The following MEI1 variants were observed in gnomAD, a reference collection of about 807,000 sequenced individuals.
MEI1 encodes the protein meiotic double-stranded break formation protein 1.
A neutral mutation model predicts 146.2 loss-of-function variants in MEI1; 103 were observed. That is an observed-to-expected ratio of 0.70 (90% CI 0.60 to 0.83). The LOEUF (loss-of-function observed/expected upper bound fraction) is 0.83, where lower values mean the gene tolerates loss of function less well. Among genes scored for constraint, MEI1 ranks in the 40% least tolerant of loss-of-function variants. The pLI is 0.00. For missense variants in MEI1, 1,529 were observed against 1,533.0 expected, an observed-to-expected ratio of 1.00 and a Z score of 0.04; for synonymous variants, 652 against 628.2, an observed-to-expected ratio of 1.04 and a Z score of -0.57.
chr22:41,753,926 T>C, intron 16 of MEI1, 23 bp from the exon 17 acceptor site: 2 of 1,515,120 alleles, frequency 1.3e-6, no homozygotes, highest in Non-Finnish European at 1.8e-6. Context: ...ATCTCTTCTA[T>C]TCTTTCTTCT....
intron 11 of MEI1, among the ~76,000 whole-genome samples, chr22:41,735,389 T>C (rs937486680): frequency 4.0e-5 from 6 of 151,816 alleles, no homozygotes; most frequent in Admixed American, 1.3e-4. Flanking sequence ...CATGCACCAC[T>C]ACACCCGGCT....
At chr22:41,764,127 A>AT (rs1439523521) in intron 19 of MEI1, among the ~76,000 whole-genome samples, 2 of 151,808 alleles carry the variant, frequency 1.3e-5, no homozygotes, top group Non-Finnish European at 2.9e-5. Flanking sequence ...CACCCGGCTA[A>AT]TTTTTTGTAT....
At chr22:41,753,135 C>T (rs984818021) in intron 16 of MEI1, among the ~76,000 whole-genome samples, 4 of 152,042 alleles carry the variant, frequency 2.6e-5, no homozygotes, top group Non-Finnish European at 5.9e-5. Flanking sequence ...TCTCCTGCCT[C>T]AGCACCTGAA....
intron 3 of MEI1, among the ~76,000 whole-genome samples, chr22:41,709,037 G>T (rs1442846327): frequency 6.6e-6 from 1 of 152,186 alleles, no homozygotes; most frequent in Non-Finnish European, 1.5e-5. Context: ...CCCCACATCA[G>T]TCCAGCTGTG....
chr22:41,744,974 G>A lies in MEI1; in HGVS notation c.1448G>A (p.Gly483Asp), dbSNP rs867931777. 2 of 1,545,460 alleles carry A rather than the reference G, an allele frequency of 1.3e-6. No homozygotes were observed. The highest frequency in any genetic ancestry group is 1.7e-6 in the Non-Finnish European group (2 of 1,143,590). ...SQTLLSRRPL[G>D]HASSRDSEKA... ...TCCTGTCTCTCCTTCCCACCTCAGGGCCATGCCTCCAGTAGAGATTCAGAG... is the reference window on the plus strand; with the variant it reads ...TCCTGTCTCTCCTTCCCACCTCAGGACCATGCCTCCAGTAGAGATTCAGAG... Residue 483 changes from glycine to aspartate, a missense_variant and splice_region_variant, in exon 13 of 31, where the codon GGC (glycine) becomes GAC (aspartate). Physicochemically the swap from Gly to Asp is moderately conservative, Grantham distance 94. Transcript: ENST00000401548.
intron 9 of MEI1, among the ~76,000 whole-genome samples, chr22:41,731,869 G>T (rs1160298179): frequency 6.6e-6 from 1 of 152,168 alleles, no homozygotes; most frequent in Non-Finnish European, 1.5e-5. Context: ...AGCTGTGGGG[G>T]CTCAGGGGAG....
At chr22:41,716,958 GGATTACA>G (rs2070261670) in intron 5 of MEI1, among the ~76,000 whole-genome samples, 1 of 151,722 alleles carries the variant, frequency 6.6e-6, no homozygotes, top group Admixed American at 6.6e-5. Flanking sequence ...CAAAGTGCTG[GGATTACA>G]GGTGTGAGCC....
At chr22:41,773,825 A>G (rs1284823341) in intron 20 of MEI1, among the ~76,000 whole-genome samples, 2 of 152,214 alleles carry the variant, frequency 1.3e-5, no homozygotes, top group African/African-American at 2.4e-5. Context: ...CAGTGAGCCA[A>G]GATCGAGCCA....
chr22:41,738,617 C>T (rs2072589011), intron 11 of MEI1, among the ~76,000 whole-genome samples: 1 of 149,668 alleles, frequency 6.7e-6, no homozygotes, highest in Non-Finnish European at 1.5e-5. Context: ...CACCAAAATA[C>T]AAAAATTAGC....
At chr22:41,772,228 ATTTT>A (rs1173444652) in intron 20 of MEI1, among the ~76,000 whole-genome samples, 1 of 152,070 alleles carries the variant, frequency 6.6e-6, no homozygotes, top group Admixed American at 6.6e-5. Flanking sequence ...TATCTTATTT[ATTTT>A]TATTTTTTTT....
intron 22 of MEI1, among the ~76,000 whole-genome samples, chr22:41,781,049 A>C (rs111335569): frequency 6.6e-6 from 1 of 152,190 alleles, no homozygotes; most frequent in African/African-American, 2.4e-5. Flanking sequence ...GAAATCCTAA[A>C]GTCTTTCTGT....
At chr22:41,740,568 G>A (rs760829985) in intron 11 of MEI1, among the ~76,000 whole-genome samples, 3 of 151,904 alleles carry the variant, frequency 2.0e-5, no homozygotes, top group African/African-American at 7.3e-5. Flanking sequence ...CTGAGGAAAC[G>A]CTATCTCTAC....
In MEI1 at chr22:41,699,627, G is replaced by T; in HGVS notation, c.89G>T (p.Arg30Leu). The T allele has an allele frequency of 6.2e-7, 1 of 1,609,736 alleles. No homozygotes were observed. The highest frequency in any genetic ancestry group is 8.5e-7 in the Non-Finnish European group (1 of 1,178,360). The part of the protein sequence containing the change: ...AALLFERAHY[R>L]HDPRWLLPVT... ...CTTCTATTCGAGAGGGCCCATTACCGGCACGACCCGCGCTGGCTGCTGCCC... is the reference window on the plus strand; with the variant it reads ...CTTCTATTCGAGAGGGCCCATTACCTGCACGACCCGCGCTGGCTGCTGCCC... Residue 30 changes from arginine to leucine, a missense_variant, in exon 1 of 31, where the codon CGG becomes CTG. Coordinates refer to ENST00000401548, the MANE Select transcript of MEI1 (RefSeq NM_152513.4).
chr22:41,757,784 A>G (rs1052915169), intron 17 of MEI1, among the ~76,000 whole-genome samples: 2 of 152,164 alleles, frequency 1.3e-5, no homozygotes, highest in Non-Finnish European at 2.9e-5. Flanking sequence ...TCCTGGAGGT[A>G]GGGCCTGGGT....
Position 41,785,919 on chromosome 22 carries a change from T to TA in MEI1, c.3345+1136_3345+1137insA, listed in dbSNP as rs200490044. ...TATTTTTTTATTTTTTATTTTATTTTTTTTTTTTTGAGACGGAGTCTCGCT... is the reference window on the plus strand; with the variant it reads ...TATTTTTTTATTTTTTATTTTATTTTATTTTTTTTTGAGACGGAGTCTCGCT... On this transcript the variant is annotated intron_variant, in intron 26 of 30. Coordinates refer to ENST00000401548, the MANE Select transcript of MEI1 (RefSeq NM_152513.4). Among the ~76,000 whole-genome samples, 998 of 143,160 alleles carry TA rather than the reference T, an allele frequency of 7.0e-3. 21 individuals are homozygous for TA. Among genetic ancestry groups the TA allele is most frequent in the African/African-American group, 0.023 (933 of 39,742 alleles). 93.9% of individuals were successfully genotyped at this position (143,160 alleles called of 152,430 possible).
At chr22:41,763,663 G>A (rs2074655107) in intron 19 of MEI1, among the ~76,000 whole-genome samples, 2 of 151,850 alleles carry the variant, frequency 1.3e-5, no homozygotes, top group African/African-American at 4.8e-5. Context: ...TGTGATTTCG[G>A]CTCACTGCAA....
chr22:41,737,540 CTT>C (rs1337042639), intron 11 of MEI1, among the ~76,000 whole-genome samples: 2 of 150,268 alleles, frequency 1.3e-5, no homozygotes, highest in African/African-American at 4.9e-5. Flanking sequence ...CGCCCGGCCT[CTT>C]TTTTTCTGGG....
chr22:41,719,973 A>G (rs917982826), intron 6 of MEI1, among the ~76,000 whole-genome samples: 12 of 152,162 alleles, frequency 7.9e-5, no homozygotes, highest in African/African-American at 2.9e-4. Context: ...AGCCATACAT[A>G]GTGAGCATTC....
At chr22:41,794,051 G>A in intron 27 of MEI1, 141 bp downstream of exon 27, 1 of 825,436 alleles carries the variant, frequency 1.2e-6, no homozygotes, top group Non-Finnish European at 1.9e-6. Context: ...CACTGCAAGG[G>A]CAGTCATGCC....
Sources: gnomAD v4.1 joint callset for allele counts (sites outside exome capture counted in the v4.1 genomes callset) on GRCh38, gnomAD v4.1.1 for gene constraint, MANE v1.5 for transcripts, NCBI Gene and HGNC (gene_info 2026-07-23, HGNC 2026-07-21) for gene names.